The following FGD5 variants were observed in gnomAD, a reference collection of about 807,000 sequenced individuals.
FGD5 encodes the protein FYVE, RhoGEF and PH domain-containing protein 5.
A neutral mutation model predicts 133.4 loss-of-function variants in FGD5; 28 were observed. The ratio of observed to expected loss-of-function variants is 0.21; its 90% CI spans 0.16 to 0.29. The LOEUF is 0.29. FGD5 is among the 10% of genes least tolerant of loss of function. The probability of loss-of-function intolerance (pLI) is 1.00; values close to 1 mark genes in which losing one functional copy is unlikely to be tolerated. For synonymous variants in FGD5, 810 were observed against 776.5 expected (o/e 1.04, Z -0.72); for missense variants, 1,858 against 1,895.2 (o/e 0.98, Z 0.36).
In FGD5 at chr3:14,820,910, C is replaced by G. The variant is rs531212368; in HGVS notation, c.1839C>G (p.Val613=). Residue 613 remains valine, a synonymous_variant, in exon 1 of 20, where the codon GTC becomes GTG. Coordinates refer to ENST00000285046, the MANE Select transcript of FGD5 (RefSeq NM_152536.4). The stretch of plus-strand genomic sequence containing the variant: ...GCACCTCCACGCCTTCTTCCATGGT[C>G]GACATCCCACCTCCTTTCGACCTGG... ...SSGTSTPSSM[V]DIPPPFDLAC... 8.7e-6 allele frequency: 14 copies of G among 1,613,762 alleles called. No homozygotes were observed. Among genetic ancestry groups the G allele is most frequent in the Admixed American group, 1.7e-5 (1 of 60,014 alleles).
intron 1 of FGD5, among the ~76,000 whole-genome samples, chr3:14,855,785 C>G (rs530141468): frequency 3.2e-4 from 48 of 152,062 alleles, no homozygotes; most frequent in Middle Eastern, 3.4e-3. Context: ...AATCCCCTGT[C>G]GGATGAGTAG....
In FGD5 at chr3:14,917,540, C is replaced by A. The variant is rs1331137886; in HGVS notation, c.3489+208C>A. ...GGCTTCTTGGAAGAGGAGACTGAAC[C>A]CTTAGAGTGGATAATATTTGGTCGG... On this transcript the variant is annotated intron_variant, in intron 12 of 19. Coordinates refer to ENST00000285046, the MANE Select transcript of FGD5 (RefSeq NM_152536.4). The surrounding 1 kb of genome is among the most constrained non-coding windows in gnomAD (Gnocchi z 4.1). 6.6e-6 allele frequency among the ~76,000 whole-genome samples: 1 copy of A among 151,764 alleles called. No individual in the cohort carries two copies.
intron 1 of FGD5, among the ~76,000 whole-genome samples, chr3:14,857,260 C>A (rs1435177368): frequency 6.6e-6 from 1 of 152,068 alleles, no homozygotes; most frequent in Non-Finnish European, 1.5e-5. Flanking sequence ...AAGCAATTCT[C>A]CTGCCTCAGC....
intron 4 of FGD5, among the ~76,000 whole-genome samples, chr3:14,887,274 T>C (rs2037942503): frequency 6.6e-6 from 1 of 152,140 alleles, no homozygotes; most frequent in Non-Finnish European, 1.5e-5. Flanking sequence ...GTACCCTTGT[T>C]CCCAGTGGCT....
intron 1 of FGD5, among the ~76,000 whole-genome samples, chr3:14,858,909 G>C (rs1230404126): frequency 6.6e-6 from 1 of 152,198 alleles, no homozygotes; most frequent in Non-Finnish European, 1.5e-5. Flanking sequence ...AGCAATACCA[G>C]GGTCGATGGG....
rs372888577 is a variant in FGD5, at chr3:14,881,518, G to A, written c.2748+746G>A. Among the ~76,000 whole-genome samples the A allele has an allele frequency of 3.9e-5, 6 of 152,324 alleles. No homozygotes were observed. The South Asian group carries it at 1.2e-3, about 32-fold the overall frequency. On this transcript the variant is annotated intron_variant, in intron 4 of 19. Coordinates refer to ENST00000285046, the MANE Select transcript of FGD5 (RefSeq NM_152536.4). ...ACCTTGGGCAGGCTTCCCTGAGGAG[G>A]TGATATTAAGGGCTAGGCCATAGCG...
chr3:14,866,086 C>T (rs2037488241), intron 2 of FGD5, among the ~76,000 whole-genome samples: 4 of 152,130 alleles, frequency 2.6e-5, no homozygotes, highest in South Asian at 4.1e-4. Flanking sequence ...CTCTGTACCT[C>T]AGAGTCCCCA....
chr3:14,839,179 A>T (rs918513264), intron 1 of FGD5, among the ~76,000 whole-genome samples: 1 of 152,204 alleles, frequency 6.6e-6, no homozygotes, highest in Non-Finnish European at 1.5e-5. Flanking sequence ...GCTTCTGGGG[A>T]CATTTGACCC....
intron 2 of FGD5, among the ~76,000 whole-genome samples, chr3:14,870,512 C>G (rs1217985721): frequency 2.0e-5 from 3 of 152,208 alleles, no homozygotes; most frequent in Non-Finnish European, 4.4e-5. Context: ...GAACAAACAT[C>G]CTCTTCCCTG....
At chr3:14,813,644 T>A (rs1008578354) in intron 1 of FGD5, among the ~76,000 whole-genome samples, 1 of 152,130 alleles carries the variant, frequency 6.6e-6, no homozygotes, top group Non-Finnish European at 1.5e-5. Context: ...CAAACCAGAC[T>A]GACTGACTGG....
At chr3:14,892,051 C>T (rs1575236479) in intron 4 of FGD5, among the ~76,000 whole-genome samples, 1 of 151,976 alleles carries the variant, frequency 6.6e-6, no homozygotes, top group African/African-American at 2.4e-5. Flanking sequence ...TTTTCTACCC[C>T]TCACTGTTCC....
intron 2 of FGD5, among the ~76,000 whole-genome samples, chr3:14,871,233 G>A (rs1290956983): frequency 6.6e-6 from 1 of 152,164 alleles, no homozygotes; most frequent in Admixed American, 6.5e-5. Flanking sequence ...CCTGGCAGTC[G>A]TTCCAGGAGG....
chr3:14,921,877 G>T, intron 13 of FGD5, 41 bp from the exon 14 acceptor site: 1 of 1,544,050 alleles, frequency 6.5e-7, no homozygotes, highest in South Asian at 1.2e-5. Context: ...GTGGGAGGCA[G>T]AGCTGCTCCT....
At chr3:14,822,124 A>G (rs998393059) in intron 1 of FGD5, among the ~76,000 whole-genome samples, 2 of 152,034 alleles carry the variant, frequency 1.3e-5, no homozygotes, top group Non-Finnish European at 2.9e-5. Context: ...AAAGAAAAGA[A>G]AAAGAAAAAA....
rs1297290631 is a variant in FGD5, at chr3:14,934,108, T to C, written c.*941T>C. On this transcript the variant is annotated 3_prime_UTR_variant, in exon 20 of 20. Coordinates refer to ENST00000285046, the MANE Select transcript of FGD5 (RefSeq NM_152536.4). Reference sequence around the variant, plus strand: ...CTTCTTTTAGACACACGGTAATCCTTGGGCTGTATTACTGAAGGCTTTTTA... The same window carrying C: ...CTTCTTTTAGACACACGGTAATCCTCGGGCTGTATTACTGAAGGCTTTTTA... 6.6e-6 allele frequency: 1 copy of C among 152,204 alleles called. No individual in the cohort carries two copies. Among genetic ancestry groups the C allele is most frequent in the East Asian group, 1.9e-4 (1 of 5,202 alleles). The allele number at this position is 152,204 out of a possible 1,614,324, so 9.4% of individuals were successfully genotyped here. A position where few individuals can be genotyped will look rare whatever the true frequency, so the allele number is the denominator to read the frequency against.
Position 14,820,366 on chromosome 3 carries a change from T to C in FGD5, c.1295T>C (p.Met432Thr). Residue 432 changes from methionine to threonine, a missense_variant, in exon 1 of 20, where the codon ATG becomes ACG. Physicochemically the swap from Met to Thr is moderately conservative, Grantham distance 81. Around this residue, in one of 3 missense-constraint regions of FGD5, gnomAD observed 1,824 missense variants for 1,848.9 expected, o/e 0.99. Coordinates refer to ENST00000285046, the MANE Select transcript of FGD5 (RefSeq NM_152536.4). Reference protein sequence around the residue: ...LDDALANPYVMGVGLPGQAAP... With the variant: ...LDDALANPYVTGVGLPGQAAP... The stretch of plus-strand genomic sequence containing the variant: ...GATGCACTGGCCAACCCCTATGTGA[T>C]GGGAGTGGGCCTGCCCGGTCAGGCG... The C allele has an allele frequency of 6.2e-7, 1 of 1,613,484 alleles. No homozygotes were observed. The highest frequency in any genetic ancestry group is 8.5e-7 in the Non-Finnish European group (1 of 1,179,704).
chr3:14,844,214 AAAAATATATATAT>A (rs1293257215), intron 1 of FGD5, among the ~76,000 whole-genome samples: 3 of 35,548 alleles, frequency 8.4e-5, no homozygotes, highest in South Asian at 1.1e-3. Context: ...TAAAAAAAAA[AAAAATATATATAT>A]ATATATATAT....
At chr3:14,837,171 G>A (rs2036831596) in intron 1 of FGD5, among the ~76,000 whole-genome samples, 1 of 152,164 alleles carries the variant, frequency 6.6e-6, no homozygotes, top group African/African-American at 2.4e-5. Context: ...CCCAGCCTGG[G>A]GCCCTGCGTG....
chr3:14,933,167 G>A lies in FGD5; in HGVS notation c.4389G>A (p.Ter1463=). ...CCATGGAAGATGCGAGTGTGTTATA[G>A]CAGTTATCAAGCATGTGGACTTGTA... ...IEAMEDASVL[*] The change falls in exon 20 of 20, where the codon TAG becomes TAA. Residue 1463 remains the stop codon, a stop_retained_variant. Transcript: ENST00000285046. The A allele has an allele frequency of 6.2e-7, 1 of 1,613,478 alleles. No individual in the cohort carries two copies. Among genetic ancestry groups the A allele is most frequent in the Non-Finnish European group, 8.5e-7 (1 of 1,179,712 alleles).
Sources: allele counts gnomAD v4.1 joint callset (sites outside exome capture counted in the v4.1 genomes callset), GRCh38; gene constraint gnomAD v4.1.1; regional missense constraint gnomAD v4.1.1; non-coding constraint Gnocchi (gnomAD v3.1); transcripts MANE v1.5; gene names NCBI Gene and HGNC (gene_info 2026-07-23, HGNC 2026-07-21).